SNRK: variants seen among roughly 807,000 people sequenced by gnomAD.
SNRK encodes SNF-related serine/threonine-protein kinase.
SNRK carries 3 observed loss-of-function variants against 48.2 expected under a neutral mutation model. That is an observed-to-expected ratio of 0.06 (90% CI 0.03 to 0.16). SNRK has a LOEUF of 0.16. SNRK is among the 10% of genes least tolerant of loss of function. The probability of loss-of-function intolerance (pLI) is 1.00; values close to 1 mark genes in which losing one functional copy is unlikely to be tolerated. For synonymous variants in SNRK, 376 were observed against 366.1 expected (o/e 1.03, Z -0.31); for missense variants, 627 against 976.0 (o/e 0.64, Z 4.76).
chr3:43,334,217 A>G (rs2091169746), intron 4 of SNRK, among the ~76,000 whole-genome samples: 1 of 152,052 alleles, frequency 6.6e-6, no homozygotes, highest in Non-Finnish European at 1.5e-5. Flanking sequence ...TTGGGAGGCC[A>G]AGATGGAAGG....
chr3:43,343,666 G>A lies in SNRK; in HGVS notation c.1079+188G>A, dbSNP rs2091254300. On this transcript the variant is annotated intron_variant, in intron 6 of 6. Coordinates refer to ENST00000296088, the MANE Select transcript of SNRK (RefSeq NM_017719.5). Reference sequence around the variant, plus strand: ...GGGTCTGGGTTCCCTCGTCACCAGGGATGCCGTCCCCTTCTGGGCTCAGTG... The same window carrying A: ...GGGTCTGGGTTCCCTCGTCACCAGGAATGCCGTCCCCTTCTGGGCTCAGTG... 5.3e-5 allele frequency among the ~76,000 whole-genome samples: 8 copies of A among 152,056 alleles called. No homozygotes were observed. The South Asian group carries it at 1.7e-3, about 32-fold the overall frequency.
chr3:43,325,454 C>T (rs868855978), intron 3 of SNRK, among the ~76,000 whole-genome samples: 2 of 152,156 alleles, frequency 1.3e-5, no homozygotes, highest in East Asian at 3.9e-4. Flanking sequence ...TGTGAGCCAC[C>T]GTGCCCGGCC....
intron 6 of SNRK, among the ~76,000 whole-genome samples, chr3:43,343,985 T>C (rs1454750769): frequency 6.6e-6 from 1 of 151,988 alleles, no homozygotes; most frequent in Non-Finnish European, 1.5e-5. Flanking sequence ...CCTTGGGAGG[T>C]TGCTTAACCT....
chr3:43,318,135 C>G (rs181933987), intron 3 of SNRK, among the ~76,000 whole-genome samples: 1 of 152,014 alleles, frequency 6.6e-6, no homozygotes, highest in African/African-American at 2.4e-5. Context: ...GAAGAGTATC[C>G]GAGGTACCCT....
At chr3:43,332,121 T>C (rs772085854) in intron 3 of SNRK, 48 bp from the exon 4 acceptor site, 3 of 1,336,632 alleles carry the variant, frequency 2.2e-6, no homozygotes, top group Non-Finnish European at 3.0e-6. Flanking sequence ...TTAATGTTTT[T>C]GGTTTTCTAA....
At position 43,308,816 on chromosome 3, in the gene SNRK, G is replaced by A. The variant is rs377314979; in HGVS notation, c.589+5024G>A. Reference sequence around the variant, plus strand: ...TCCAAGTCTTTACTATTTAAGAAATGCATCTTGTAAGGCTATGGCTGCCAT... The same window carrying A: ...TCCAAGTCTTTACTATTTAAGAAATACATCTTGTAAGGCTATGGCTGCCAT... On this transcript the variant is annotated intron_variant, in intron 3 of 6. Coordinates refer to ENST00000296088, the MANE Select transcript of SNRK (RefSeq NM_017719.5). Among the ~76,000 whole-genome samples the A allele has an allele frequency of 1.4e-4, 21 of 152,262 alleles. No homozygotes were observed. The South Asian group carries it at 2.1e-3, about 15-fold the overall frequency.
At chr3:43,338,105 A>G (rs2091205323) in intron 4 of SNRK, among the ~76,000 whole-genome samples, 1 of 152,166 alleles carries the variant, frequency 6.6e-6, no homozygotes, top group Non-Finnish European at 1.5e-5. Flanking sequence ...ACTACCATCC[A>G]ATATTTTAAT....
At chr3:43,334,311 A>G (rs375051542) in intron 4 of SNRK, among the ~76,000 whole-genome samples, 3 of 151,928 alleles carry the variant, frequency 2.0e-5, no homozygotes, top group East Asian at 1.9e-4. Context: ...AAAAAGAAAA[A>G]TTAGCCAGTT....
chr3:43,290,091 G>T (rs1244267385), intron 1 of SNRK, among the ~76,000 whole-genome samples: 1 of 152,160 alleles, frequency 6.6e-6, no homozygotes, highest in Admixed American at 6.5e-5. Flanking sequence ...GCCTCACTGG[G>T]CCTCAATTTC....
At chr3:43,311,976 A>T (rs1325643137) in intron 3 of SNRK, among the ~76,000 whole-genome samples, 1 of 152,154 alleles carries the variant, frequency 6.6e-6, no homozygotes, top group Non-Finnish European at 1.5e-5. Flanking sequence ...AAACCCTGAC[A>T]TTATTTATGA....
intron 3 of SNRK, among the ~76,000 whole-genome samples, chr3:43,310,413 A>C (rs1291511815): frequency 1.3e-5 from 2 of 152,060 alleles, no homozygotes; most frequent in Non-Finnish European, 2.9e-5. Flanking sequence ...TACCCTACAA[A>C]TAAGAATCCG....
chr3:43,307,267 A>G (rs757772303), intron 3 of SNRK, among the ~76,000 whole-genome samples: 2 of 152,244 alleles, frequency 1.3e-5, no homozygotes, highest in Non-Finnish European at 2.9e-5. Flanking sequence ...ATACGAAAGT[A>G]TACTCCTTGA....
intron 3 of SNRK, among the ~76,000 whole-genome samples, chr3:43,320,618 A>G (rs2091046390): frequency 6.6e-6 from 1 of 152,210 alleles, no homozygotes; most frequent in Admixed American, 6.5e-5. Context: ...AATGAGACGT[A>G]TTAAATGTTA....
chr3:43,324,247 C>T (rs780028882), intron 3 of SNRK, among the ~76,000 whole-genome samples: 7 of 152,196 alleles, frequency 4.6e-5, no homozygotes, highest in Non-Finnish European at 5.9e-5. Context: ...TGGTGGCTCA[C>T]GCCTGTAATC....
chr3:43,345,775 TG>T (rs1329242126), intron 6 of SNRK, among the ~76,000 whole-genome samples: 1 of 152,172 alleles, frequency 6.6e-6, no homozygotes, highest in Admixed American at 6.5e-5. Flanking sequence ...GGTGTGGTAT[TG>T]GGAGTTGTCA....
chr3:43,299,190 AT>A (rs1351302901), intron 1 of SNRK, among the ~76,000 whole-genome samples: 1 of 152,042 alleles, frequency 6.6e-6, no homozygotes, highest in Admixed American at 6.6e-5. Context: ...TATTATTATT[AT>A]TTTTGAGATG....
At chr3:43,287,905 C>T (rs2090778926) in intron 1 of SNRK, among the ~76,000 whole-genome samples, 1 of 152,158 alleles carries the variant, frequency 6.6e-6, no homozygotes, top group Non-Finnish European at 1.5e-5. Context: ...GGAAATCTGT[C>T]CTCAACGTCT....
At chr3:43,299,713 A>G (rs1318195224) in intron 1 of SNRK, 41 bp from the exon 2 acceptor site, 1 of 152,690 alleles carries the variant, frequency 6.5e-6, no homozygotes, top group East Asian at 1.9e-4. Context: ...AATTCAAACA[A>G]ATAGAACTAA....
intron 1 of SNRK, among the ~76,000 whole-genome samples, chr3:43,293,673 G>A (rs1464894643): frequency 6.6e-6 from 1 of 152,012 alleles, no homozygotes; most frequent in Non-Finnish European, 1.5e-5. Flanking sequence ...CCAGCACCTC[G>A]GGAGGCCAAG....
Sources: gnomAD v4.1 joint callset for allele counts (sites outside exome capture counted in the v4.1 genomes callset) on GRCh38, gnomAD v4.1.1 for gene constraint, MANE v1.5 for transcripts, NCBI Gene and HGNC (gene_info 2026-07-23, HGNC 2026-07-21) for gene names.